Variants in TRRAP observed in about 807,000 individuals in gnomAD.
TRRAP encodes the protein transformation/transcription domain-associated protein.
A neutral mutation model predicts 438.8 loss-of-function variants in TRRAP; 41 were observed. That is an observed-to-expected ratio of 0.09 (90% CI 0.07 to 0.12). TRRAP has a LOEUF of 0.12. Among genes scored for constraint, TRRAP ranks in the 10% least tolerant of loss-of-function variants. The pLI is 1.00. For synonymous variants in TRRAP, 1,994 were observed against 1,962.9 expected, an observed-to-expected ratio of 1.02 and a Z score of -0.42; for missense variants, 3,122 against 5,055.1, an observed-to-expected ratio of 0.62 and a Z score of 11.60.
chr7:98,973,138 C>T (rs1045255003), intron 53 of TRRAP, among the ~76,000 whole-genome samples: 2 of 152,150 alleles, frequency 1.3e-5, no homozygotes, highest in African/African-American at 4.8e-5. Flanking sequence ...CACCACCACA[C>T]CTGGCCAATT....
chr7:98,928,067 C>T (rs1265926590), intron 23 of TRRAP, among the ~76,000 whole-genome samples: 1 of 152,018 alleles, frequency 6.6e-6, no homozygotes, highest in Non-Finnish European at 1.5e-5. Context: ...GGAGAAATCC[C>T]GTCTCTACTA....
chr7:98,920,947 C>A (rs1377112414), intron 20 of TRRAP, among the ~76,000 whole-genome samples: 1 of 152,130 alleles, frequency 6.6e-6, no homozygotes, highest in Non-Finnish European at 1.5e-5. Flanking sequence ...TCAAGTGATT[C>A]TTCTGCCTCA....
At chr7:98,909,930 A>G (rs1796988649) in intron 14 of TRRAP, 126 bp from the exon 15 acceptor site, 30 of 1,438,150 alleles carry the variant, frequency 2.1e-5, no homozygotes, top group Admixed American at 2.7e-5. Context: ...CACCAACCTC[A>G]TAGAAAAGCA....
Position 98,899,559 on chromosome 7 carries a change from T to G in TRRAP, c.711+60T>G, listed in dbSNP as rs1796376680. The G allele has an allele frequency of 4.4e-6, 7 of 1,606,264 alleles. No homozygotes were observed. The South Asian group carries it at 7.7e-5, about 18-fold the overall frequency. ...GGCTTCTTATAAGAAAATTGGCATC[T>G]GGGGCCAAAAGATGTGTATAATACA... On this transcript the variant is annotated intron_variant, in intron 9 of 72. Transcript: ENST00000456197.
At position 98,976,277 on chromosome 7, in the gene TRRAP, A is replaced by G. The variant is rs779669330; in HGVS notation, c.7959+9A>G. 16 of 1,613,474 alleles carry G rather than the reference A, an allele frequency of 9.9e-6. No individual in the cohort carries two copies. Among genetic ancestry groups the G allele is most frequent in the East Asian group, 2.2e-5 (1 of 44,852 alleles). ...CTGACAGACAGCAGCATGTGAGTGTATCTTTAAAATCCTGTTTTGGAAAAT... is the reference window on the plus strand; with the variant it reads ...CTGACAGACAGCAGCATGTGAGTGTGTCTTTAAAATCCTGTTTTGGAAAAT... On this transcript the variant is annotated intron_variant, in intron 54 of 72. Transcript: ENST00000456197. The surrounding 1 kb of genome is among the most constrained non-coding windows in gnomAD (Gnocchi z 4.6).
chr7:99,001,057 A>AG (rs1793898157), intron 67 of TRRAP, among the ~76,000 whole-genome samples: 1 of 152,254 alleles, frequency 6.6e-6, no homozygotes, highest in Non-Finnish European at 1.5e-5. Context: ...TAGATGACAC[A>AG]GTTAATATTA....
intron 28 of TRRAP, 43 bp downstream of exon 28, chr7:98,935,718 C>A: frequency 2.0e-6 from 3 of 1,511,372 alleles, no homozygotes; most frequent in South Asian, 2.5e-5. Flanking sequence ...TGAAAGGAGA[C>A]TGACCACAGG....
chr7:98,883,854 A>C (rs536638835), intron 3 of TRRAP, among the ~76,000 whole-genome samples: 15 of 152,278 alleles, frequency 9.9e-5, no homozygotes, highest in Admixed American at 3.3e-4. Context: ...ATTACTTGTG[A>C]GACATCATAG....
chr7:98,946,505 A>C (rs1362057584), intron 33 of TRRAP, among the ~76,000 whole-genome samples: 2 of 150,920 alleles, frequency 1.3e-5, no homozygotes, highest in East Asian at 3.9e-4. Flanking sequence ...CACACACACC[A>C]CACATGCACA....
At chr7:98,950,015 T>C in intron 37 of TRRAP, 49 bp from the exon 38 acceptor site, 1 of 1,609,796 alleles carries the variant, frequency 6.2e-7, no homozygotes, top group Non-Finnish European at 8.5e-7. Context: ...GCGTAGTTGT[T>C]AATGAAATTT....
At chr7:98,979,053 C>T (rs1336509178) in intron 58 of TRRAP, 149 bp downstream of exon 58, 5 of 938,478 alleles carry the variant, frequency 5.3e-6, no homozygotes, top group Non-Finnish European at 6.2e-6. Context: ...TTGTCTAACA[C>T]CTTTCCTGAA....
intron 53 of TRRAP, among the ~76,000 whole-genome samples, chr7:98,975,513 G>A (rs926357129): frequency 6.6e-6 from 1 of 152,214 alleles, no homozygotes; most frequent in Non-Finnish European, 1.5e-5. Context: ...AAAACAAGAG[G>A]GCTGGGATGA....
At chr7:98,953,082 T>C (rs992392670) in intron 39 of TRRAP, 85 bp from the exon 40 acceptor site, 2 of 1,392,690 alleles carry the variant, frequency 1.4e-6, no homozygotes, top group Non-Finnish European at 2.0e-6. Context: ...TGTGTGTGTT[T>C]TTAAGGCTTA....
chr7:98,925,651 C>T (rs1305990716), intron 22 of TRRAP, among the ~76,000 whole-genome samples: 1 of 152,228 alleles, frequency 6.6e-6, no homozygotes, highest in Non-Finnish European at 1.5e-5. Context: ...CCAGATATTT[C>T]TCATGTGATG....
rs1198974326 is a variant in TRRAP, at chr7:98,956,658, C to T, written c.6231+125C>T. On this transcript the variant is annotated intron_variant, in intron 43 of 72. Coordinates refer to ENST00000456197, the MANE Select transcript of TRRAP (RefSeq NM_001375524.1). The surrounding 1 kb of genome is among the most constrained non-coding windows in gnomAD (Gnocchi z 4.5). ...CAGGAGAGGAAGCTGGGAACAGCCACGGTCACCAGATTGAAACTCCAGGAC... is the reference window on the plus strand; with the variant it reads ...CAGGAGAGGAAGCTGGGAACAGCCATGGTCACCAGATTGAAACTCCAGGAC... The T allele has an allele frequency of 1.4e-5, 20 of 1,452,884 alleles. No homozygotes were observed. The highest frequency in any genetic ancestry group is 8.3e-5 in the South Asian group (6 of 72,178). The allele number at this position is 1,452,884 out of a possible 1,614,324, so 90.0% of individuals were successfully genotyped here.
intron 25 of TRRAP, among the ~76,000 whole-genome samples, chr7:98,931,189 G>A (rs1017016626): frequency 6.6e-6 from 1 of 152,220 alleles, no homozygotes; most frequent in Non-Finnish European, 1.5e-5. Flanking sequence ...AGCTTATCTG[G>A]TGAATGCAGG....
intron 12 of TRRAP, among the ~76,000 whole-genome samples, chr7:98,904,931 C>T (rs781808052): frequency 5.9e-5 from 9 of 152,186 alleles, no homozygotes; most frequent in Non-Finnish European, 7.3e-5. Flanking sequence ...GCACCTGCAA[C>T]GTTATCAAGT....
chr7:98,978,300 G>A lies in TRRAP; in HGVS notation c.8475G>A (p.Gln2825=), dbSNP rs541008066. 1 of 1,614,072 alleles carries A rather than the reference G, an allele frequency of 6.2e-7. No homozygotes were observed. Among genetic ancestry groups the A allele is most frequent in the Admixed American group, 1.7e-5 (1 of 60,012 alleles). Residue 2825 remains glutamine (Q), a synonymous_variant, in exon 57 of 73, where the codon CAG becomes CAA. Coordinates refer to ENST00000456197, the MANE Select transcript of TRRAP (RefSeq NM_001375524.1). ...CCCCTGCTATTTTCCCTGAATACCA[G>A]CTCTGGGAAGACCACTGGATTCGGT... ...NASPAIFPEY[Q]LWEDHWIRCS...
chr7:98,935,648 C>G lies in TRRAP; in HGVS notation c.4084C>G (p.Leu1362Val). ...KLPCYKSLPS[L>V]VPLRIAALNA... The stretch of plus-strand genomic sequence containing the variant: ...GCCCTGTTATAAAAGCCTTCCGTCA[C>G]TCGTACCTTTACGAATTGCGGCATT... The change falls in exon 28 of 73, where the codon CTC becomes GTC. Residue 1362 changes from leucine (L) to valine (V), a missense_variant. Physicochemically the swap from Leu to Val is conservative, Grantham distance 32. This residue lies in a region of TRRAP where 84 missense variants were observed against 119.8 expected (regional missense o/e 0.70). Transcript: ENST00000456197. 4 of 1,600,468 alleles carry G rather than the reference C, an allele frequency of 2.5e-6. No individual in the cohort carries two copies. Among genetic ancestry groups the G allele is most frequent in the Non-Finnish European group, 3.4e-6 (4 of 1,169,038 alleles).
Sources: allele counts gnomAD v4.1 joint callset (sites outside exome capture counted in the v4.1 genomes callset), GRCh38; gene constraint gnomAD v4.1.1; regional missense constraint gnomAD v4.1.1; non-coding constraint Gnocchi (gnomAD v3.1); transcripts MANE v1.5; gene names NCBI Gene and HGNC (gene_info 2026-07-23, HGNC 2026-07-21).